PCGF5: variants seen among roughly 807,000 people sequenced by gnomAD.
The protein encoded by PCGF5 is polycomb group ring finger 5.
PCGF5 carries 9 observed loss-of-function variants against 44.3 expected under a neutral mutation model. That is an observed-to-expected ratio of 0.20 (90% CI 0.12 to 0.35). The LOEUF is 0.35. Ranked by LOEUF, PCGF5 falls within the 10% of genes least tolerant of loss-of-function variation. PCGF5 has a pLI of 1.00. For missense variants in PCGF5, 146 were observed against 305.3 expected, an observed-to-expected ratio of 0.48 and a Z score of 3.89; for synonymous variants, 95 against 102.5, an observed-to-expected ratio of 0.93 and a Z score of 0.44.
chr10:91,271,502 A>AT (rs1846181867), intron 8 of PCGF5, 136 bp from the exon 9 acceptor site: 2 of 628,532 alleles, frequency 3.2e-6, no homozygotes, highest in Non-Finnish European at 2.6e-6. Flanking sequence ...AACAACCACC[A>AT]TTTTTTTGGA....
At chr10:91,162,712 CGGCGGCGGCTCGAGGAGGCCTGGCG>C (rs1439912305), upstream of PCGF5, among the ~76,000 whole-genome samples, 1 of 150,896 alleles carries the variant, frequency 6.6e-6, no homozygotes, top group East Asian at 2.0e-4. Context: ...GGGAGCTGCG[CGGCGGCGGCTCGAGGAGGCCTGGCG>C]GGCGGCGGCG....
Position 91,208,038 on chromosome 10 carries a change from G to A in PCGF5, c.-183-14651G>A, listed in dbSNP as rs145260944. Among the ~76,000 whole-genome samples, 11 of 152,106 alleles carry A rather than the reference G, an allele frequency of 7.2e-5. No homozygotes were observed. The East Asian group carries it at 1.2e-3, about 16-fold the overall frequency. The stretch of plus-strand genomic sequence containing the variant: ...TACATGAAATTAGACTATCTCTGTC[G>A]AGAGACACTGTACAACTATGTAAAT... On this transcript the variant is annotated intron_variant, in intron 1 of 9. Coordinates refer to the PCGF5 transcript ENST00000614189.
In PCGF5 at chr10:91,209,445, C is replaced by CA. The variant is rs200495344; in HGVS notation, c.-183-13236dup. 2.3e-3 allele frequency among the ~76,000 whole-genome samples: 348 copies of CA among 148,678 alleles called. 4 individuals are homozygous for CA. Among genetic ancestry groups the CA allele is most frequent in the African/African-American group, 8.4e-3 (324 of 38,430 alleles). ...ACAGCATAGTGAGGCTTTGTCTTTA[C>CA]AAAAAAAATTAGATTAAAAAGAAAA... On this transcript the variant is annotated intron_variant, in intron 1 of 9. Transcript: ENST00000614189.
chr10:91,172,073 A>G (rs184750556), intron 1 of PCGF5, among the ~76,000 whole-genome samples: 2 of 152,336 alleles, frequency 1.3e-5, no homozygotes, highest in East Asian at 3.9e-4. Context: ...GCCCAGGATT[A>G]CAGACGTGTG....
upstream of PCGF5, among the ~76,000 whole-genome samples, chr10:91,161,386 G>GA (rs1323585743): frequency 2.6e-5 from 4 of 152,176 alleles, no homozygotes; most frequent in Non-Finnish European, 4.4e-5. Flanking sequence ...GCGCATCGGA[G>GA]AAAAAAATCT....
At chr10:91,207,214 G>C (rs1403628440) in intron 1 of PCGF5, among the ~76,000 whole-genome samples, 1 of 152,214 alleles carries the variant, frequency 6.6e-6, no homozygotes, top group Non-Finnish European at 1.5e-5. Context: ...CCACTTTGGT[G>C]AGGGATGTGC....
At chr10:91,157,528 G>A in the PCGF5 span, among the ~76,000 whole-genome samples, 1 of 152,124 alleles carries the variant, frequency 6.6e-6, no homozygotes, top group Non-Finnish European at 1.5e-5. Context: ...GCAACCTATT[G>A]TAATAACAGT....
At chr10:91,196,639 A>G (rs1844140085) in intron 1 of PCGF5, among the ~76,000 whole-genome samples, 1 of 151,972 alleles carries the variant, frequency 6.6e-6, no homozygotes, top group Non-Finnish European at 1.5e-5. Flanking sequence ...GCTCCTTTCC[A>G]TTACACTGAT....
chr10:91,169,164 G>A (rs941764978), intron 1 of PCGF5, among the ~76,000 whole-genome samples: 5 of 152,036 alleles, frequency 3.3e-5, no homozygotes, highest in African/African-American at 1.2e-4. Flanking sequence ...TCTGGATACA[G>A]GATACAGGAT....
intron 1 of PCGF5, among the ~76,000 whole-genome samples, chr10:91,163,721 G>A (rs945806033): frequency 1.3e-5 from 2 of 152,122 alleles, no homozygotes; most frequent in Non-Finnish European, 2.9e-5. Context: ...GGCGCGTTGG[G>A]GAGGGCGCGG....
chr10:91,258,614 A>G (rs918997013), intron 6 of PCGF5, among the ~76,000 whole-genome samples: 1 of 152,176 alleles, frequency 6.6e-6, no homozygotes, highest in Non-Finnish European at 1.5e-5. Flanking sequence ...GTTTGGGGCA[A>G]GAAGAAAATT....
chr10:91,264,760 C>G (rs1391326231), intron 8 of PCGF5, among the ~76,000 whole-genome samples: 1 of 152,126 alleles, frequency 6.6e-6, no homozygotes, highest in African/African-American at 2.4e-5. Flanking sequence ...TAAATATGTT[C>G]AGGACTCTAC....
chr10:91,251,097 ATTT>A (rs34772046), intron 5 of PCGF5, among the ~76,000 whole-genome samples, 192 bp from the exon 6 acceptor site: 16 of 138,726 alleles, frequency 1.2e-4, no homozygotes, highest in African/African-American at 2.8e-4. Context: ...TAAGTTTCCA[ATTT>A]TTTTTTTTTT....
At chr10:91,259,370 G>A (rs1056332463) in intron 6 of PCGF5, among the ~76,000 whole-genome samples, 1 of 152,094 alleles carries the variant, frequency 6.6e-6, no homozygotes, top group Admixed American at 6.6e-5. Flanking sequence ...TGACATCACT[G>A]CTCTTTCTGA....
At chr10:91,186,570 G>GTATATA (rs1287287395) in intron 1 of PCGF5, among the ~76,000 whole-genome samples, 1 of 125,334 alleles carries the variant, frequency 8.0e-6, no homozygotes, top group African/African-American at 2.6e-5. Context: ...GTGTGTGTGT[G>GTATATA]TATATATATG....
At chr10:91,210,302 G>A (rs1302686544) in intron 1 of PCGF5, among the ~76,000 whole-genome samples, 1 of 152,140 alleles carries the variant, frequency 6.6e-6, no homozygotes, top group African/African-American at 2.4e-5. Flanking sequence ...TGAACGATGT[G>A]GAGTTAGTAT....
intron 2 of PCGF5, 79 bp downstream of exon 2, chr10:91,223,062 T>C: frequency 1.1e-6 from 1 of 909,942 alleles, no homozygotes; most frequent in Non-Finnish European, 1.8e-6. Flanking sequence ...ATGTTTTGTT[T>C]TTATCTATGT....
At chr10:91,234,879 TTATC>T (rs1845112794) in intron 2 of PCGF5, among the ~76,000 whole-genome samples, 1 of 152,222 alleles carries the variant, frequency 6.6e-6, no homozygotes, top group Non-Finnish European at 1.5e-5. Flanking sequence ...TGCCTCAACA[TTATC>T]TGGAACAACT....
intron 2 of PCGF5, chr10:91,227,294 G>T: frequency 1.7e-6 from 1 of 583,828 alleles, no homozygotes; most frequent in South Asian, 1.5e-5. Context: ...CCTGTGCTGA[G>T]GCCTCTCAAA....
Sources: allele counts gnomAD v4.1 joint callset (sites outside exome capture counted in the v4.1 genomes callset), GRCh38; gene constraint gnomAD v4.1.1; transcripts MANE v1.5; gene names NCBI Gene and HGNC (gene_info 2026-07-23, HGNC 2026-07-21).